Variants in CDH13 observed in about 807,000 individuals in gnomAD.
The protein encoded by CDH13 is cadherin-13.
A neutral mutation model predicts 63.8 loss-of-function variants in CDH13; 24 were observed. That is an observed-to-expected ratio of 0.38 (90% confidence interval 0.27 to 0.53). The LOEUF (loss-of-function observed/expected upper bound fraction) is 0.53. Ranked by LOEUF, CDH13 falls within the 20% of genes least tolerant of loss-of-function variation. CDH13 has a pLI of 0.85. For missense variants in CDH13, 1,049 were observed against 903.1 expected (o/e 1.16, Z -2.07); for synonymous variants, 503 against 355.3 (o/e 1.42, Z -4.67).
chr16:83,446,300 C>CAAAAAAAAA (rs200693082), intron 6 of CDH13, among the ~76,000 whole-genome samples: 1 of 82,404 alleles, frequency 1.2e-5, no homozygotes, highest in Non-Finnish European at 2.5e-5. Context: ...GAGACTGTCT[C>CAAAAAAAAA]AAAAAAAAAA....
At chr16:83,042,132 GACTTT>G (rs1429771242) in intron 3 of CDH13, among the ~76,000 whole-genome samples, 2 of 152,302 alleles carry the variant, frequency 1.3e-5, no homozygotes, top group East Asian at 3.9e-4. Flanking sequence ...GCAGACATGT[GACTTT>G]ACTTTATTTC....
intron 1 of CDH13, among the ~76,000 whole-genome samples, chr16:82,688,331 C>A (rs1915292482): frequency 6.6e-6 from 1 of 152,160 alleles, no homozygotes. Context: ...CTAAGGCAAA[C>A]CATATGCCTT....
At chr16:83,716,747 G>A (rs1908967465) in intron 10 of CDH13, among the ~76,000 whole-genome samples, 1 of 152,158 alleles carries the variant, frequency 6.6e-6, no homozygotes, top group Non-Finnish European at 1.5e-5. Flanking sequence ...CTTCCAAAGT[G>A]CTGGGATTAT....
intron 5 of CDH13, among the ~76,000 whole-genome samples, chr16:83,302,434 C>T (rs1322123089): frequency 6.6e-6 from 1 of 152,154 alleles, no homozygotes; most frequent in Non-Finnish European, 1.5e-5. Flanking sequence ...GTAACATTAC[C>T]AGGACCCAAC....
chr16:83,579,741 T>C (rs1001309930), intron 7 of CDH13, among the ~76,000 whole-genome samples: 3 of 152,066 alleles, frequency 2.0e-5, no homozygotes, highest in African/African-American at 7.2e-5. Context: ...GTCACAGCCC[T>C]TGATAGGCTC....
intron 7 of CDH13, among the ~76,000 whole-genome samples, chr16:83,516,576 G>C (rs748929942): frequency 2.6e-5 from 4 of 152,098 alleles, no homozygotes; most frequent in Non-Finnish European, 1.5e-5. Context: ...CCTAGACCTG[G>C]GATTTTAATG....
chr16:83,555,817 A>G (rs1352309825), intron 7 of CDH13, among the ~76,000 whole-genome samples: 1 of 152,220 alleles, frequency 6.6e-6, no homozygotes, highest in Non-Finnish European at 1.5e-5. Flanking sequence ...ATATTTTGCA[A>G]TTGAGGATTG....
chr16:82,650,582 A>C (rs2150906480), intron 1 of CDH13, among the ~76,000 whole-genome samples: 1 of 152,218 alleles, frequency 6.6e-6, no homozygotes, highest in African/African-American at 2.4e-5. Flanking sequence ...TGGGCCCCAA[A>C]ATGTCCCGCT....
At chr16:82,795,875 A>G (rs1052406166) in intron 1 of CDH13, among the ~76,000 whole-genome samples, 2 of 151,574 alleles carry the variant, frequency 1.3e-5, no homozygotes, top group East Asian at 1.9e-4. Context: ...TCTCATAGGC[A>G]TTGTGGGACC....
At chr16:82,820,930 C>G (rs1414194930) in intron 1 of CDH13, among the ~76,000 whole-genome samples, 1 of 152,116 alleles carries the variant, frequency 6.6e-6, no homozygotes, top group African/African-American at 2.4e-5. Context: ...GAGTCTGGCC[C>G]GGTAAGTCTG....
At chr16:82,769,694 G>T (rs79336323) in intron 1 of CDH13, among the ~76,000 whole-genome samples, 1 of 152,144 alleles carries the variant, frequency 6.6e-6, no homozygotes, top group African/African-American at 2.4e-5. Flanking sequence ...TTTACTTTAT[G>T]TTTGCAAATG....
intron 1 of CDH13, 70 bp downstream of exon 1, chr16:82,627,207 G>T: frequency 7.2e-7 from 1 of 1,395,254 alleles, no homozygotes; most frequent in Non-Finnish European, 1.0e-6. Context: ...GCACGGGCAG[G>T]GTGAGGGGGC....
intron 1 of CDH13, among the ~76,000 whole-genome samples, chr16:82,812,849 T>C (rs1390878287): frequency 2.0e-5 from 3 of 151,784 alleles, no homozygotes; most frequent in Non-Finnish European, 4.4e-5. Context: ...CTCCCTTCTT[T>C]CCTCCCTTCT....
intron 10 of CDH13, among the ~76,000 whole-genome samples, chr16:83,693,149 C>G (rs948693446): frequency 7.2e-5 from 11 of 152,146 alleles, no homozygotes; most frequent in African/African-American, 2.7e-4. Flanking sequence ...GCCAGACTTC[C>G]TGAGCACAAA....
intron 1 of CDH13, among the ~76,000 whole-genome samples, chr16:82,791,817 C>A (rs569119863): frequency 1.3e-5 from 2 of 152,172 alleles, no homozygotes; most frequent in Non-Finnish European, 2.9e-5. Context: ...CTGTGACCCA[C>A]GGCTTCTAAT....
chr16:83,188,319 G>C (rs2038589049), intron 4 of CDH13, among the ~76,000 whole-genome samples: 1 of 152,212 alleles, frequency 6.6e-6, no homozygotes, highest in South Asian at 2.1e-4. Context: ...GTGGTGGAAG[G>C]GGAGAGGCGT....
At chr16:83,550,130 A>G (rs1297276517) in intron 7 of CDH13, among the ~76,000 whole-genome samples, 1 of 152,244 alleles carries the variant, frequency 6.6e-6, no homozygotes, top group East Asian at 1.9e-4. Flanking sequence ...TGCAGGATGC[A>G]CTTTGCCAGG....
chr16:83,504,359 A>C (rs74937053), intron 7 of CDH13, among the ~76,000 whole-genome samples: 83 of 152,276 alleles, frequency 5.5e-4, no homozygotes, highest in Admixed American at 5.4e-3. Context: ...TCTGCTGTGC[A>C]TGAAGCATTT....
At chr16:83,010,362 G>A (rs940130590) in intron 2 of CDH13, among the ~76,000 whole-genome samples, 1 of 152,020 alleles carries the variant, frequency 6.6e-6, no homozygotes, top group Non-Finnish European at 1.5e-5. Context: ...TGCATTAACT[G>A]TAAGAGAAAG....
Sources: gnomAD v4.1 joint callset for allele counts (sites outside exome capture counted in the v4.1 genomes callset) on GRCh38, gnomAD v4.1.1 for gene constraint, MANE v1.5 for transcripts, NCBI Gene and HGNC (gene_info 2026-07-23, HGNC 2026-07-21) for gene names.